Variants in TENM4 observed in about 807,000 individuals in gnomAD.
TENM4 encodes teneurin transmembrane protein 4.
Under a neutral mutation model 243.3 loss-of-function variants are expected in TENM4, and 82 were observed. The ratio of observed to expected loss-of-function variants is 0.34; its 90% CI spans 0.28 to 0.40. The LOEUF is 0.40. Among genes scored for constraint, TENM4 ranks in the 10% least tolerant of loss-of-function variants. The pLI is 1.00. For missense variants in TENM4, 3,138 were observed against 3,673.3 expected, an observed-to-expected ratio of 0.85 and a Z score of 3.77; for synonymous variants, 1,412 against 1,456.3, an observed-to-expected ratio of 0.97 and a Z score of 0.69.
At chr11:79,400,482 G>A (rs1281563337) in intron 1 of TENM4, among the ~76,000 whole-genome samples, 1 of 152,064 alleles carries the variant, frequency 6.6e-6, no homozygotes, top group East Asian at 1.9e-4. Context: ...CTCTGAAATT[G>A]CAAACACTGC....
intron 6 of TENM4, among the ~76,000 whole-genome samples, chr11:78,904,825 A>C (rs1443328512): frequency 6.6e-6 from 1 of 152,252 alleles, no homozygotes; most frequent in Non-Finnish European, 1.5e-5. Context: ...CAAAGAAAGA[A>C]AACAAATACA....
intron 4 of TENM4, among the ~76,000 whole-genome samples, chr11:79,083,353 G>C (rs1270157738): frequency 1.3e-5 from 2 of 152,206 alleles, no homozygotes; most frequent in Non-Finnish European, 2.9e-5. Flanking sequence ...TCTTGAGACT[G>C]GTTCGGTTTT....
intron 6 of TENM4, among the ~76,000 whole-genome samples, chr11:78,907,244 CTT>C (rs529102939): frequency 0.092 from 12,269 of 133,542 alleles, 591 homozygotes; most frequent in Middle Eastern, 0.16. Flanking sequence ...GAATGGACTC[CTT>C]TTTTTTTTTT....
At chr11:79,404,742 C>T (rs963661505) in intron 1 of TENM4, among the ~76,000 whole-genome samples, 1 of 152,140 alleles carries the variant, frequency 6.6e-6, no homozygotes, top group Non-Finnish European at 1.5e-5. Context: ...ACATACCCAC[C>T]TGCTCAACAT....
chr11:79,162,264 TG>T (rs995120921), intron 3 of TENM4, among the ~76,000 whole-genome samples: 10 of 152,218 alleles, frequency 6.6e-5, no homozygotes, highest in African/African-American at 2.4e-4. Context: ...TTACTAGTTC[TG>T]TGATATGGGA....
rs1482691162 is a variant in TENM4, at chr11:78,688,185, G to T, written c.5129C>A (p.Thr1710Asn). Residue 1710 changes from threonine (T) to asparagine (N), a missense_variant, in exon 29 of 34, where the codon ACT (threonine) becomes AAT (asparagine). Physicochemically the swap from Thr to Asn is moderately conservative, Grantham distance 65. This residue lies in a region of TENM4 where 2,467 missense variants were observed against 3,059.1 expected (regional missense o/e 0.81). Transcript: ENST00000278550. ...FGRLTNVTFPTGQVSSFRSDT... is the reference protein window; with the variant it reads ...FGRLTNVTFPNGQVSSFRSDT... ...ACTTCGGAAACTGCTCACCTGGCCA[G>T]TAGGGAAGGTCACATTTGTCAGGCG... 2 of 1,613,738 alleles carry T rather than the reference G, an allele frequency of 1.2e-6. No homozygotes were observed. Among genetic ancestry groups the T allele is most frequent in the Non-Finnish European group, 1.7e-6 (2 of 1,179,812 alleles).
At chr11:79,427,874 C>T (rs565801073) in intron 1 of TENM4, among the ~76,000 whole-genome samples, 7 of 152,296 alleles carry the variant, frequency 4.6e-5, no homozygotes, top group South Asian at 2.1e-4. Context: ...AATCTTTCCA[C>T]GGCATGATGA....
At chr11:79,151,145 C>T (rs1418222051) in intron 3 of TENM4, among the ~76,000 whole-genome samples, 1 of 152,180 alleles carries the variant, frequency 6.6e-6, no homozygotes, top group Non-Finnish European at 1.5e-5. Flanking sequence ...ATTTCATGCT[C>T]TCATTTTGCT....
chr11:79,383,715 T>C (rs1477175802), intron 1 of TENM4, among the ~76,000 whole-genome samples: 1 of 152,154 alleles, frequency 6.6e-6, no homozygotes, highest in Non-Finnish European at 1.5e-5. Flanking sequence ...CCACTATATA[T>C]ACATGTGTTT....
rs552340039 is a variant in TENM4, at chr11:78,660,692, C to T, written c.7551+757G>A. Among the ~76,000 whole-genome samples, 5 of 152,288 alleles carry T rather than the reference C, an allele frequency of 3.3e-5. No individual in the cohort carries two copies. The East Asian group carries it at 5.8e-4, about 18-fold the overall frequency. Reference sequence around the variant, plus strand: ...TTAGTCTCTGCCTGATTCATCCCTGCGTTCACTGGGCACAGCATGGGGCTT... The same window carrying T: ...TTAGTCTCTGCCTGATTCATCCCTGTGTTCACTGGGCACAGCATGGGGCTT... On this transcript the variant is annotated intron_variant, in intron 33 of 33. Transcript: ENST00000278550.
At chr11:79,323,900 C>A (rs557290145) in intron 1 of TENM4, among the ~76,000 whole-genome samples, 35 of 151,948 alleles carry the variant, frequency 2.3e-4, no homozygotes, top group Non-Finnish European at 4.4e-4. Flanking sequence ...CACACACACA[C>A]ACATATATAC....
intron 1 of TENM4, among the ~76,000 whole-genome samples, chr11:79,353,393 G>C (rs553692490): frequency 6.6e-6 from 1 of 152,264 alleles, no homozygotes; most frequent in Non-Finnish European, 1.5e-5. Context: ...TCAAGTCCAG[G>C]AAGGCTTTCT....
In TENM4 at chr11:78,729,365, G is replaced by A. The variant is rs1322445630; in HGVS notation, c.3406+11C>T. ...GAGCTATTCTCTGAGTCCTGCAGCC[G>A]GGAGGCTTACCAAAGGCTTCTGAAA... On this transcript the variant is annotated intron_variant, in intron 22 of 33. Coordinates refer to ENST00000278550, the MANE Select transcript of TENM4 (RefSeq NM_001098816.3). 2.6e-6 allele frequency: 4 copies of A among 1,563,770 alleles called. No individual in the cohort carries two copies. Among genetic ancestry groups the A allele is most frequent in the East Asian group, 2.4e-5 (1 of 42,284 alleles).
chr11:79,061,898 G>C (rs1860098526), intron 6 of TENM4, among the ~76,000 whole-genome samples: 1 of 152,072 alleles, frequency 6.6e-6, no homozygotes, highest in Non-Finnish European at 1.5e-5. Flanking sequence ...GTTGTAGGGG[G>C]AGTAAATGAG....
Position 78,653,907 on chromosome 11 carries a change from G to A in TENM4, c.*4151C>T, listed in dbSNP as rs1423758370. 1 of 152,242 alleles carries A rather than the reference G, an allele frequency of 6.6e-6. No homozygotes were observed. The highest frequency in any genetic ancestry group is 1.5e-5 in the Non-Finnish European group (1 of 68,052). The allele number at this position is 152,242 out of a possible 1,614,324, so 9.4% of individuals were successfully genotyped here. A position where few individuals can be genotyped will look rare whatever the true frequency, so the allele number is the denominator to read the frequency against. ...TGTCTAGGGCAGTCAAGTACACAAG[G>A]ATGGTTTTTGTGAATGTGAAGGTTG... On this transcript the variant is annotated 3_prime_UTR_variant, in exon 34 of 34. Coordinates refer to ENST00000278550, the MANE Select transcript of TENM4 (RefSeq NM_001098816.3).
intron 2 of TENM4, among the ~76,000 whole-genome samples, chr11:79,237,701 CACAA>C: frequency 6.6e-6 from 1 of 152,250 alleles, no homozygotes; most frequent in Non-Finnish European, 1.5e-5. Flanking sequence ...ATAAAGTAAG[CACAA>C]ACAAATCAGT....
At chr11:78,804,080 C>T (rs1857339319) in intron 15 of TENM4, among the ~76,000 whole-genome samples, 1 of 152,212 alleles carries the variant, frequency 6.6e-6, no homozygotes, top group Non-Finnish European at 1.5e-5. Context: ...ACAACCAGAA[C>T]TGTTAATACA....
intron 19 of TENM4, among the ~76,000 whole-genome samples, chr11:78,740,883 C>A (rs1855915005): frequency 6.6e-6 from 1 of 152,178 alleles, no homozygotes; most frequent in Non-Finnish European, 1.5e-5. Flanking sequence ...CATTTGGCTA[C>A]CATGTAGCCT....
chr11:79,041,514 G>GA (rs1453187837), intron 6 of TENM4, among the ~76,000 whole-genome samples: 3 of 121,660 alleles, frequency 2.5e-5, no homozygotes, highest in Non-Finnish European at 5.5e-5. Context: ...AAAAATCGAA[G>GA]AAACAATTTA....
Sources: allele counts gnomAD v4.1 joint callset (sites outside exome capture counted in the v4.1 genomes callset), GRCh38; gene constraint gnomAD v4.1.1; regional missense constraint gnomAD v4.1.1; transcripts MANE v1.5; gene names NCBI Gene and HGNC (gene_info 2026-07-23, HGNC 2026-07-21).